Variants in OPRM1 observed in about 807,000 individuals in gnomAD.
OPRM1 encodes the protein mu-type opioid receptor.
In OPRM1, 27 loss-of-function variants were observed where a neutral mutation model predicts 31.8. The ratio of observed to expected loss-of-function variants is 0.85; its 90% CI spans 0.63 to 1.17. The LOEUF is 1.17. OPRM1 is among the 50% of genes most tolerant of loss of function. The pLI is 0.00. For synonymous variants in OPRM1, 196 were observed against 189.9 expected, an observed-to-expected ratio of 1.03 and a Z score of -0.26; for missense variants, 536 against 511.1, an observed-to-expected ratio of 1.05 and a Z score of -0.47.
intron 3 of OPRM1, among the ~76,000 whole-genome samples, chr6:154,182,196 C>T (rs1800945702): frequency 6.6e-6 from 1 of 152,172 alleles, no homozygotes; most frequent in African/African-American, 2.4e-5. Flanking sequence ...AGAGTAGCTT[C>T]ATTTTGATTT....
chr6:154,223,302 T>C lies in OPRM1; in HGVS notation c.1165-23391T>C, dbSNP rs956769776. 3.9e-6 allele frequency: 5 copies of C among 1,294,572 alleles called. No homozygotes were observed. In the Admixed American group the frequency reaches 5.3e-5, roughly 14 times the overall value. 80.2% of individuals were successfully genotyped at this position (1,294,572 alleles called of 1,614,324 possible). On this transcript the variant is annotated intron_variant, in intron 3 of 3. Transcript: ENST00000337049. ...TGCATCAATCCTGGGGATTAGTGCATTGAGATCATATACATGGAATAGGGA... is the reference window on the plus strand; with the variant it reads ...TGCATCAATCCTGGGGATTAGTGCACTGAGATCATATACATGGAATAGGGA...
chr6:154,229,916 CATGG>C (rs1779591708), intron 3 of OPRM1, among the ~76,000 whole-genome samples: 1 of 152,206 alleles, frequency 6.6e-6, no homozygotes, highest in South Asian at 2.1e-4. Context: ...CTTGCTGAAA[CATGG>C]ATGAACCCTG....
rs1350804696 is a variant in OPRM1 at position 154,120,026 on chromosome 6, A to G, written c.*1305A>G. On this transcript the variant is annotated 3_prime_UTR_variant, in exon 4 of 4. Coordinates refer to ENST00000330432, the MANE Select transcript of OPRM1 (RefSeq NM_000914.5). ...TAGAGATTTGGCAATCAACCATTTT[A>G]CTTGATCTAGGTAGACAGCCAAGTC... is the stretch of plus-strand genomic sequence containing the variant. 6.6e-6 allele frequency among the ~76,000 whole-genome samples: 1 copy of G among 152,168 alleles called. No individual in the cohort carries two copies. Among genetic ancestry groups the G allele is most frequent in the African/African-American group, 2.4e-5 (1 of 41,458 alleles).
chr6:154,078,733 G>T (rs1788404481), intron 1 of OPRM1, among the ~76,000 whole-genome samples: 1 of 152,024 alleles, frequency 6.6e-6, no homozygotes, highest in South Asian at 2.1e-4. Context: ...CAAAAGATTA[G>T]CCAGGCATGG....
intron 1 of OPRM1, among the ~76,000 whole-genome samples, chr6:154,028,904 A>G (rs1778853016): frequency 6.6e-6 from 1 of 152,152 alleles, no homozygotes; most frequent in Non-Finnish European, 1.5e-5. Flanking sequence ...TCTTTCAGTG[A>G]TATGAACTTA....
At chr6:154,043,015 A>G (rs998190644) in intron 1 of OPRM1, among the ~76,000 whole-genome samples, 3 of 152,164 alleles carry the variant, frequency 2.0e-5, no homozygotes, top group Middle Eastern at 3.2e-3. Flanking sequence ...AGACTATAGA[A>G]TTACCCATAA....
chr6:154,195,758 C>T lies in OPRM1; in HGVS notation c.1165-50935C>T, dbSNP rs117386369. ...TCCCACTCAGCCCATTAGGTGTTAACATTTTTTAGACCAGAATTGTACCTT... is the reference window on the plus strand; with the variant it reads ...TCCCACTCAGCCCATTAGGTGTTAATATTTTTTAGACCAGAATTGTACCTT... On this transcript the variant is annotated intron_variant, in intron 3 of 3. Transcript: ENST00000337049. 1.9e-4 allele frequency among the ~76,000 whole-genome samples: 28 copies of T among 150,834 alleles called. No individual in the cohort carries two copies. In the East Asian group the frequency reaches 5.5e-3, roughly 29 times the overall value.
At chr6:154,010,591 C>A (rs1777674395) in exon 1 of OPRM1, 1 of 1,537,280 alleles carries the variant, frequency 6.5e-7, no homozygotes, top group African/African-American at 1.4e-5. Context: ...CCTCTGAGCT[C>A]AAAGGAAGTG....
rs888446419 is a variant in OPRM1 at position 154,237,639 on chromosome 6, C to T, written c.1165-9054C>T. ...CAACATTTACTTGCAAGAAAATAGA[C>T]GCATAGACATTTGCATCACTGACTT... On this transcript the variant is annotated intron_variant, in intron 3 of 3. Transcript: ENST00000337049. 1.3e-4 allele frequency among the ~76,000 whole-genome samples: 20 copies of T among 152,200 alleles called. No homozygotes were observed. The Middle Eastern group carries it at 0.014, about 104-fold the overall frequency.
chr6:154,027,759 C>A (rs535208641), intron 1 of OPRM1, among the ~76,000 whole-genome samples: 1 of 152,336 alleles, frequency 6.6e-6, no homozygotes, highest in East Asian at 1.9e-4. Context: ...GTGGCCAGAG[C>A]CACTACTGGC....
At chr6:154,055,580 C>T (rs1210335733) in intron 1 of OPRM1, among the ~76,000 whole-genome samples, 2 of 152,118 alleles carry the variant, frequency 1.3e-5, no homozygotes, top group Non-Finnish European at 2.9e-5. Flanking sequence ...TCTTTCTAGA[C>T]TCCTAAGTTC....
exon 1 of OPRM1, chr6:154,010,667 A>AAGC: frequency 6.8e-7 from 1 of 1,473,232 alleles, no homozygotes; most frequent in South Asian, 1.3e-5. Context: ...GAAGATAGGA[A>AAGC]AGCAAGCATG....
intron 3 of OPRM1, among the ~76,000 whole-genome samples, chr6:154,206,699 T>C (rs941772386): frequency 6.6e-6 from 1 of 152,188 alleles, no homozygotes; most frequent in African/African-American, 2.4e-5. Context: ...GATGTTCTCA[T>C]GAAGGAATCT....
intron 3 of OPRM1, among the ~76,000 whole-genome samples, chr6:154,234,414 C>A (rs1779956187): frequency 1.3e-5 from 2 of 152,176 alleles, no homozygotes; most frequent in Non-Finnish European, 2.9e-5. Flanking sequence ...TCCTGGATCA[C>A]TTCTCAAGTA....
At chr6:154,202,426 G>A (rs1477281721) in intron 3 of OPRM1, among the ~76,000 whole-genome samples, 9 of 152,104 alleles carry the variant, frequency 5.9e-5, no homozygotes, top group Non-Finnish European at 8.8e-5. Context: ...TAGTTTACTC[G>A]TTAGCAGGAT....
At chr6:154,173,352 T>C (rs1244276862) in intron 3 of OPRM1, among the ~76,000 whole-genome samples, 4 of 152,146 alleles carry the variant, frequency 2.6e-5, no homozygotes, top group Admixed American at 1.3e-4. Flanking sequence ...CTTCAGAAGG[T>C]GGGTAATAAC....
At position 154,146,988 on chromosome 6, in the gene OPRM1, T is replaced by C. The variant is rs192049523; in HGVS notation, c.1164+55516T>C. 5.4e-4 allele frequency among the ~76,000 whole-genome samples: 82 copies of C among 152,284 alleles called. 1 individual carries two copies. Among genetic ancestry groups the C allele is most frequent in the African/African-American group, 1.9e-3 (79 of 41,544 alleles). ...CTTGAGGGCAGCTCTGAAGTCCACA[T>C]TGCACCACAGAGCTGGTTCTACCTT... On this transcript the variant is annotated intron_variant, in intron 3 of 3. Coordinates refer to the OPRM1 transcript ENST00000337049.
chr6:154,148,751 C>T (rs989137446), intron 3 of OPRM1, among the ~76,000 whole-genome samples: 63 of 152,328 alleles, frequency 4.1e-4, no homozygotes, highest in Non-Finnish European at 7.5e-4. Flanking sequence ...TTACATGAAG[C>T]TCTGCCCCGT....
chr6:154,228,132 A>T (rs930416267), intron 3 of OPRM1, among the ~76,000 whole-genome samples: 6 of 152,012 alleles, frequency 3.9e-5, no homozygotes, highest in Non-Finnish European at 7.4e-5. Flanking sequence ...AACTTTGTTG[A>T]ATGGGATCCT....
Sources: allele counts gnomAD v4.1 joint callset (sites outside exome capture counted in the v4.1 genomes callset), GRCh38; gene constraint gnomAD v4.1.1; transcripts MANE v1.5; gene names NCBI Gene and HGNC (gene_info 2026-07-23, HGNC 2026-07-21).